The following ATP8B1 variants were observed in gnomAD, a reference collection of about 807,000 sequenced individuals.
The protein encoded by ATP8B1 is ATPase phospholipid transporting 8B1, also known as phospholipid-transporting ATPase IC.
In ATP8B1, 80 loss-of-function variants were observed where a neutral mutation model predicts 149.9. The ratio of observed to expected loss-of-function variants is 0.53; its 90% CI spans 0.45 to 0.64. The LOEUF is 0.64. Ranked by LOEUF, ATP8B1 falls within the 30% of genes least tolerant of loss-of-function variation. The probability of loss-of-function intolerance (pLI) is 0.00; values close to 1 mark genes in which losing one functional copy is unlikely to be tolerated. For missense variants in ATP8B1, 1,247 were observed against 1,552.6 expected (o/e 0.80, Z 3.31); for synonymous variants, 536 against 562.8 (o/e 0.95, Z 0.67).
At chr18:57,768,408 A>G in intron 1 of ATP8B1, among the ~76,000 whole-genome samples, 1 of 140,870 alleles carries the variant, frequency 7.1e-6, no homozygotes, top group South Asian at 2.3e-4. Context: ...AAAAAAAAAA[A>G]AAGAAAAGAA....
chr18:57,718,143 C>G (rs553830600), intron 2 of ATP8B1, among the ~76,000 whole-genome samples: 1 of 144,364 alleles, frequency 6.9e-6, no homozygotes, highest in African/African-American at 2.5e-5. Context: ...AAAGAGAGAC[C>G]CAAATAAATA....
In ATP8B1 at chr18:57,695,340, T is replaced by C; in HGVS notation, c.782-11A>G. On this transcript the variant is annotated splice_polypyrimidine_tract_variant and intron_variant, in intron 9 of 27. Transcript: ENST00000648908. The stretch of plus-strand genomic sequence containing the variant: ...CACATTCAATAAAACCTTTTAAAAA[T>C]ATAAGATTCACATAATTAATCACAT... The C allele has an allele frequency of 6.3e-7, 1 of 1,596,338 alleles. No homozygotes were observed. Among genetic ancestry groups the C allele is most frequent in the Non-Finnish European group, 8.6e-7 (1 of 1,164,230 alleles).
intron 1 of ATP8B1, among the ~76,000 whole-genome samples, chr18:57,763,262 C>T (rs1039303016): frequency 2.0e-5 from 3 of 152,058 alleles, no homozygotes; most frequent in Admixed American, 6.6e-5. Flanking sequence ...CTTGGTGGCA[C>T]GTGCCTATAA....
intron 22 of ATP8B1, chr18:57,659,957 T>C (rs764646604): frequency 2.0e-5 from 3 of 152,198 alleles, no homozygotes; most frequent in African/African-American, 4.8e-5. Flanking sequence ...TCAGTGATAA[T>C]AATACGACAG....
chr18:57,687,774 T>C lies in ATP8B1; in HGVS notation c.1429+525A>G, dbSNP rs1912323698. 3.5e-4 allele frequency among the ~76,000 whole-genome samples: 4 copies of C among 11,490 alleles called. No homozygotes were observed. The East Asian group carries it at 0.039, about 113-fold the overall frequency. 7.5% of individuals were successfully genotyped at this position (11,490 alleles called of 152,430 possible). A position where few individuals can be genotyped will look rare whatever the true frequency, so the allele number is the denominator to read the frequency against. On this transcript the variant is annotated intron_variant, in intron 13 of 27. Coordinates refer to ENST00000648908, the MANE Select transcript of ATP8B1 (RefSeq NM_001374385.1). ...GATCATATAGTAATGAGACTTCTAA[T>C]TTTTTTTTTTTTTTTTTTTTTTTTT...
chr18:57,779,904 A>C (rs2080342994), intron 1 of ATP8B1, among the ~76,000 whole-genome samples: 1 of 152,138 alleles, frequency 6.6e-6, no homozygotes. Flanking sequence ...TCTCAAAAAA[A>C]AAAAAAAGAG....
chr18:57,654,198 G>A (rs1909833260), intron 23 of ATP8B1, 123 bp from the exon 24 acceptor site: 2 of 918,546 alleles, frequency 2.2e-6, no homozygotes, highest in Non-Finnish European at 3.4e-6. Context: ...TAGAGATGGG[G>A]GTCTTGCTAT....
chr18:57,757,085 C>T (rs73959340), intron 1 of ATP8B1, among the ~76,000 whole-genome samples: 1,675 of 152,260 alleles, frequency 0.011, 32 homozygotes, highest in African/African-American at 0.038. Context: ...CTGAGCATGC[C>T]GCTGTAAGCA....
chr18:57,681,608 C>T (rs1911975909), intron 15 of ATP8B1, among the ~76,000 whole-genome samples: 2 of 152,064 alleles, frequency 1.3e-5, no homozygotes, highest in African/African-American at 2.4e-5. Flanking sequence ...GGAGACCAGC[C>T]TGGCCAACAT....
chr18:57,649,210 C>CTATCTATCTATCTATCTATCTATT (rs1264572976), intron 27 of ATP8B1, among the ~76,000 whole-genome samples: 3 of 152,028 alleles, frequency 2.0e-5, no homozygotes, highest in Non-Finnish European at 4.4e-5. Context: ...ATCTATCTAT[C>CTATCTATCTATCTATCTATCTATT]TATCTATCTA....
At chr18:57,725,769 A>G (rs2079700008) in intron 2 of ATP8B1, among the ~76,000 whole-genome samples, 1 of 152,258 alleles carries the variant, frequency 6.6e-6, no homozygotes, top group Non-Finnish European at 1.5e-5. Flanking sequence ...TGCCAAGAAC[A>G]TACATTGGGG....
At chr18:57,710,955 T>G in intron 2 of ATP8B1, among the ~76,000 whole-genome samples, 1 of 152,162 alleles carries the variant, frequency 6.6e-6, no homozygotes. Flanking sequence ...CTTAAACCTG[T>G]GAGAAGATAT....
intron 1 of ATP8B1, among the ~76,000 whole-genome samples, chr18:57,798,069 A>G (rs1238947045): frequency 1.3e-5 from 2 of 152,092 alleles, no homozygotes; most frequent in South Asian, 2.1e-4. Flanking sequence ...ACAGACTTCC[A>G]TGAAGCAGAG....
chr18:57,708,914 G>C (rs1270803073), intron 2 of ATP8B1, among the ~76,000 whole-genome samples: 2 of 152,172 alleles, frequency 1.3e-5, no homozygotes, highest in African/African-American at 4.8e-5. Flanking sequence ...CAGACAGAGA[G>C]GGTGGCATCA....
chr18:57,722,364 GAA>G (rs1233286245), intron 2 of ATP8B1, among the ~76,000 whole-genome samples: 1 of 147,036 alleles, frequency 6.8e-6, no homozygotes, highest in Non-Finnish European at 1.5e-5. Flanking sequence ...GATTAATAAA[GAA>G]AAAAAGAGAG....
chr18:57,715,666 GGCA>G (rs2123038016), intron 2 of ATP8B1, among the ~76,000 whole-genome samples: 1 of 152,324 alleles, frequency 6.6e-6, no homozygotes, highest in South Asian at 2.1e-4. Context: ...CAATACGTCT[GGCA>G]GCAGACTTTT....
rs142393675 is a variant in ATP8B1 at position 57,732,049 on chromosome 18, G to T, written c.-25-217C>A. 2.4e-4 allele frequency: 99 copies of T among 417,566 alleles called. 1 individual carries two copies. In the East Asian group the frequency reaches 4.0e-3, roughly 17 times the overall value. 25.9% of individuals were successfully genotyped at this position (417,566 alleles called of 1,614,324 possible). The stretch of plus-strand genomic sequence containing the variant: ...GTAAGATTTTTTTAAAAAATATGGA[G>T]CTGCAAACCTTTTATTTTTAAACAA... On this transcript the variant is annotated intron_variant, in intron 1 of 27. Transcript: ENST00000648908.
At chr18:57,703,708 A>C (rs563918218) in intron 4 of ATP8B1, among the ~76,000 whole-genome samples, 1 of 152,282 alleles carries the variant, frequency 6.6e-6, no homozygotes, top group South Asian at 2.1e-4. Flanking sequence ...CGGTTACAGC[A>C]ACAGTTCTTG....
intron 1 of ATP8B1, among the ~76,000 whole-genome samples, chr18:57,782,803 CTTTTTTTTTTTTTTTT>C (rs79009229): frequency 1.1e-5 from 1 of 91,178 alleles, no homozygotes; most frequent in Admixed American, 1.5e-4. Context: ...TAGTTTGTCT[CTTTTTTTTTTTTTTTT>C]TTTTTTTTTT....
Sources: allele counts gnomAD v4.1 joint callset (sites outside exome capture counted in the v4.1 genomes callset), GRCh38; gene constraint gnomAD v4.1.1; transcripts MANE v1.5; gene names NCBI Gene and HGNC (gene_info 2026-07-23, HGNC 2026-07-21).